Variants in RIOX2 observed in about 807,000 individuals in gnomAD.
RIOX2 encodes 60S ribosomal protein L27a histidine hydroxylase.
A neutral mutation model predicts 51.2 loss-of-function variants in RIOX2; 43 were observed. The observed-to-expected ratio is 0.84, with a 90% CI of 0.66 to 1.08. The LOEUF (loss-of-function observed/expected upper bound fraction) is 1.08, where lower values mean the gene tolerates loss of function less well. RIOX2 is among the 50% of genes least tolerant of loss of function. RIOX2 has a pLI of 0.00. For missense variants in RIOX2, 566 were observed against 561.7 expected (o/e 1.01, Z -0.08); for synonymous variants, 226 against 218.5 (o/e 1.03, Z -0.30).
chr3:97,969,940 C>T (rs564212763), intron 1 of RIOX2, among the ~76,000 whole-genome samples: 5 of 152,260 alleles, frequency 3.3e-5, no homozygotes, highest in East Asian at 3.9e-4. Flanking sequence ...ACATTGCTCA[C>T]GTTTAATTTT....
chr3:97,950,517 G>T (rs904320107), intron 6 of RIOX2, among the ~76,000 whole-genome samples: 2 of 152,148 alleles, frequency 1.3e-5, no homozygotes, highest in Non-Finnish European at 2.9e-5. Context: ...TCTCCTGGCC[G>T]TACTATTCAT....
At chr3:97,970,464 G>A (rs1432468778) in intron 1 of RIOX2, among the ~76,000 whole-genome samples, 1 of 152,110 alleles carries the variant, frequency 6.6e-6, no homozygotes, top group Non-Finnish European at 1.5e-5. Context: ...GCAGAGGGGA[G>A]AATAGATGAA....
intron 3 of RIOX2, among the ~76,000 whole-genome samples, chr3:97,960,486 A>G (rs956491352): frequency 8.5e-5 from 13 of 152,218 alleles, no homozygotes; most frequent in Non-Finnish European, 1.3e-4. Flanking sequence ...ATGGAAGGCT[A>G]CTAGTAGTTA....
At chr3:97,953,241 A>G (rs562087106) in intron 5 of RIOX2, among the ~76,000 whole-genome samples, 1 of 152,270 alleles carries the variant, frequency 6.6e-6, no homozygotes, top group South Asian at 2.1e-4. Flanking sequence ...CCTACAATAG[A>G]ATTTATCACA....
At chr3:97,958,417 C>A (rs1323690810) in intron 4 of RIOX2, among the ~76,000 whole-genome samples, 1 of 152,174 alleles carries the variant, frequency 6.6e-6, no homozygotes, top group Non-Finnish European at 1.5e-5. Flanking sequence ...TGGCTATGTT[C>A]CCATCGATGT....
Position 97,942,658 on chromosome 3 carries a change from T to C in RIOX2, c.*2526A>G. The C allele has an allele frequency of 2.3e-6, 1 of 428,174 alleles. No homozygotes were observed. Among genetic ancestry groups the C allele is most frequent in the East Asian group, 3.7e-5 (1 of 26,750 alleles). The allele number at this position is 428,174 out of a possible 1,614,324, so 26.5% of individuals were successfully genotyped here. ...TTAGGGTTTTTGTTCATTAGTACAG[T>C]TGTAAAACTTTCATTTGCTACGTGA... On this transcript the variant is annotated 3_prime_UTR_variant, in exon 10 of 10. Coordinates refer to ENST00000394198, the MANE Select transcript of RIOX2 (RefSeq NM_153182.4).
At chr3:97,965,566 G>A (rs1705859000) in intron 2 of RIOX2, among the ~76,000 whole-genome samples, 1 of 151,432 alleles carries the variant, frequency 6.6e-6, no homozygotes, top group Non-Finnish European at 1.5e-5. Context: ...AATTTGGGCT[G>A]AGAAAGCTCA....
intron 4 of RIOX2, 101 bp downstream of exon 4, chr3:97,958,950 A>T: frequency 7.7e-7 from 1 of 1,293,338 alleles, no homozygotes; most frequent in Non-Finnish European, 1.0e-6. Context: ...TCCCACGGGG[A>T]CCATCACACG....
chr3:97,966,617 A>T (rs1412047034), intron 2 of RIOX2, among the ~76,000 whole-genome samples: 1 of 152,248 alleles, frequency 6.6e-6, no homozygotes, highest in Non-Finnish European at 1.5e-5. Flanking sequence ...TACCAGGAGC[A>T]GTTCCAGGTA....
chr3:97,942,451 T>A lies in RIOX2; in HGVS notation c.*2733A>T. ...TTGTCCTTGATGTTAAAGGTGGGCC[T>A]TTGATGATACCCAATGTTGTGTCCC... On this transcript the variant is annotated 3_prime_UTR_variant, in exon 10 of 10. Transcript: ENST00000394198. 6.2e-7 allele frequency: 1 copy of A among 1,604,566 alleles called. No homozygotes were observed. The highest frequency in any genetic ancestry group is 8.5e-7 in the Non-Finnish European group (1 of 1,174,570).
chr3:97,957,308 C>T (rs1354062780), intron 4 of RIOX2, among the ~76,000 whole-genome samples: 1 of 151,978 alleles, frequency 6.6e-6, no homozygotes, highest in South Asian at 2.1e-4. Context: ...ACCAGCCTGG[C>T]CAACATGGTG....
chr3:97,966,764 G>A (rs1705906405), intron 2 of RIOX2, among the ~76,000 whole-genome samples: 2 of 152,136 alleles, frequency 1.3e-5, no homozygotes, highest in Non-Finnish European at 2.9e-5. Context: ...GGGAAAAAAT[G>A]ATCACCTTGA....
rs746870428 is a variant in RIOX2 at position 97,967,283 on chromosome 3, C to G, written c.311G>C (p.Arg104Pro). 9 of 1,614,092 alleles carry G rather than the reference C, an allele frequency of 5.6e-6. No homozygotes were observed. Among genetic ancestry groups the G allele is most frequent in the Non-Finnish European group, 6.8e-6 (8 of 1,179,998 alleles). ...MYYGRDVNVC[R>P]CVNGKKKVLN... ...AACCTTCTTCTTCCCATTGACACAC[C>G]GGCAGACATTCACATCTCTTCCATA... The change falls in exon 2 of 10, where the codon CGG becomes CCG. Residue 104 changes from arginine (R) to proline (P), a missense_variant. Physicochemically the swap from Arg to Pro is moderately radical, Grantham distance 103. Coordinates refer to ENST00000394198, the MANE Select transcript of RIOX2 (RefSeq NM_153182.4).
intron 4 of RIOX2, among the ~76,000 whole-genome samples, 184 bp from the exon 5 acceptor site, chr3:97,954,679 G>A (rs946548802): frequency 6.6e-6 from 1 of 151,920 alleles, no homozygotes; most frequent in African/African-American, 2.4e-5. Context: ...CTGTGTCCGT[G>A]AGCCTGTCAC....
Position 97,950,032 on chromosome 3 carries a change from G to C in RIOX2, c.889-17C>G, listed in dbSNP as rs757681197. On this transcript the variant is annotated splice_polypyrimidine_tract_variant and intron_variant, in intron 6 of 9. Transcript: ENST00000394198. ...TTCCACCTGCTAGGAACACAGAAGT[G>C]AGTCCTGGCCCAGATGCCAGCAGAA... 6.2e-7 allele frequency: 1 copy of C among 1,612,536 alleles called. No homozygotes were observed.
In RIOX2 at chr3:97,968,187, G is replaced by A. The variant is rs527794291; in HGVS notation, c.-39-555C>T. 9.2e-5 allele frequency among the ~76,000 whole-genome samples: 14 copies of A among 152,186 alleles called. No individual in the cohort carries two copies. The South Asian group carries it at 2.9e-3, about 32-fold the overall frequency. ...GACCCGCGGTGTCTCCTGGTGGCTG[G>A]AGCAGGCCACTGCCTTCTCCTGTCT... On this transcript the variant is annotated intron_variant, in intron 1 of 9. Transcript: ENST00000394198.
intron 4 of RIOX2, among the ~76,000 whole-genome samples, chr3:97,955,252 C>A (rs774280583): frequency 2.6e-5 from 4 of 152,110 alleles, no homozygotes; most frequent in African/African-American, 7.2e-5. Flanking sequence ...AAGATGTAAT[C>A]AAAAATTCAT....
Position 97,951,871 on chromosome 3 carries a change from C to T in RIOX2, c.786-983G>A, listed in dbSNP as rs142806608. Among the ~76,000 whole-genome samples, 31 of 152,248 alleles carry T rather than the reference C, an allele frequency of 2.0e-4. No individual in the cohort carries two copies. In the East Asian group the frequency reaches 5.4e-3, roughly 27 times the overall value. ...CTGCATCTTTAATTGAGTCTCAACC[C>T]GGAGGGCACATGCAGATCTCTCAGC... On this transcript the variant is annotated intron_variant, in intron 5 of 9. Transcript: ENST00000394198.
chr3:97,952,856 G>A (rs995805110), intron 5 of RIOX2, among the ~76,000 whole-genome samples: 1 of 152,092 alleles, frequency 6.6e-6, no homozygotes, highest in South Asian at 2.1e-4. Flanking sequence ...AGTGATGAGG[G>A]CATTTTTCAA....
Sources: gnomAD v4.1 joint callset for allele counts (sites outside exome capture counted in the v4.1 genomes callset) on GRCh38, gnomAD v4.1.1 for gene constraint, MANE v1.5 for transcripts, NCBI Gene and HGNC (gene_info 2026-07-23, HGNC 2026-07-21) for gene names.